The following UNC13C variants were observed in gnomAD, a reference collection of about 807,000 sequenced individuals.
UNC13C encodes protein unc-13 homolog C.
Under a neutral mutation model 245.4 loss-of-function variants are expected in UNC13C, and 174 were observed. The observed-to-expected ratio is 0.71, with a 90% confidence interval of 0.63 to 0.80. The LOEUF (loss-of-function observed/expected upper bound fraction) is 0.80, where lower values mean the gene tolerates loss of function less well. Among genes scored for constraint, UNC13C ranks in the 30% least tolerant of loss-of-function variants. The pLI, the probability that UNC13C is intolerant of heterozygous loss-of-function variation, is 0.00. For synonymous variants in UNC13C, 992 were observed against 895.1 expected (o/e 1.11, Z -1.93); for missense variants, 2,829 against 2,602.9 (o/e 1.09, Z -1.89).
chr15:54,301,030 G>T (rs944825680), intron 13 of UNC13C, among the ~76,000 whole-genome samples: 3 of 151,910 alleles, frequency 2.0e-5, no homozygotes, highest in Admixed American at 6.6e-5. Context: ...TTTCAGTAAG[G>T]GTTTAGTAAT....
intron 17 of UNC13C, among the ~76,000 whole-genome samples, chr15:54,367,910 C>T (rs1420828643): frequency 6.6e-6 from 1 of 152,134 alleles, no homozygotes; most frequent in Admixed American, 6.6e-5. Context: ...TTATTTTAAA[C>T]TTAAATAGTC....
At position 54,448,011 on chromosome 15, in the gene UNC13C, C is replaced by T. The variant is rs564934602; in HGVS notation, c.4933+32944C>T. 6.6e-5 allele frequency among the ~76,000 whole-genome samples: 10 copies of T among 152,302 alleles called. No homozygotes were observed. In the South Asian group the frequency reaches 2.1e-3, roughly 32 times the overall value. On this transcript the variant is annotated intron_variant, in intron 19 of 32. Transcript: ENST00000260323. The stretch of plus-strand genomic sequence containing the variant: ...TTGGTTTCAAAGAACATCTTTATTT[C>T]TGCCTTCATTTCGTTATGTACCCAG...
At chr15:54,201,445 A>C (rs950270779) in intron 4 of UNC13C, among the ~76,000 whole-genome samples, 3 of 152,062 alleles carry the variant, frequency 2.0e-5, no homozygotes, top group Non-Finnish European at 2.9e-5. Flanking sequence ...ATCTAACAGC[A>C]TATCAAAAAG....
chr15:53,927,257 T>C, the UNC13C span, among the ~76,000 whole-genome samples: 1 of 152,168 alleles, frequency 6.6e-6, no homozygotes, highest in Non-Finnish European at 1.5e-5. Context: ...TTTAACCACT[T>C]CACTCTGCTG....
chr15:53,964,605 G>A, the UNC13C span, among the ~76,000 whole-genome samples: 1 of 152,148 alleles, frequency 6.6e-6, no homozygotes, highest in Admixed American at 6.6e-5. Flanking sequence ...CTAAAGAGAT[G>A]TTCAGGTATT....
intron 13 of UNC13C, chr15:54,321,332 A>C: frequency 2.1e-6 from 1 of 471,176 alleles, no homozygotes; most frequent in Non-Finnish European, 4.2e-6. Flanking sequence ...GATGTCCTTC[A>C]ATGTCTTCTT....
rs373765896 is a variant in UNC13C at position 54,054,886 on chromosome 15, A to G, written c.2983+39000A>G. On this transcript the variant is annotated intron_variant, in intron 2 of 32. Transcript: ENST00000260323. ...AATGGAGTCGACTTTGATGCAGTCA[A>G]TTTTAATTTTTGCTTAGTGCTCATG... Among the ~76,000 whole-genome samples, 19 of 152,234 alleles carry G rather than the reference A, an allele frequency of 1.2e-4. No individual in the cohort carries two copies. In the South Asian group the frequency reaches 3.1e-3, roughly 25 times the overall value.
At chr15:54,536,935 C>G (rs767749225) in intron 26 of UNC13C, among the ~76,000 whole-genome samples, 23 of 152,132 alleles carry the variant, frequency 1.5e-4, no homozygotes, top group Admixed American at 3.3e-4. Flanking sequence ...CAAGGATGCT[C>G]ACTCTCACTA....
chr15:54,101,037 T>C (rs1208105780), intron 2 of UNC13C, among the ~76,000 whole-genome samples: 3 of 152,192 alleles, frequency 2.0e-5, no homozygotes, highest in Admixed American at 2.0e-4. Flanking sequence ...TTTTTAATAA[T>C]TTTTATTTCT....
intron 4 of UNC13C, among the ~76,000 whole-genome samples, chr15:54,170,057 AAG>A (rs2033336213): frequency 6.6e-6 from 1 of 151,526 alleles, no homozygotes; most frequent in African/African-American, 2.4e-5. Context: ...ATATAAGAGA[AAG>A]AGAAATTTCA....
intron 24 of UNC13C, among the ~76,000 whole-genome samples, chr15:54,517,774 T>G (rs1048985820): frequency 6.6e-6 from 1 of 152,074 alleles, no homozygotes. Flanking sequence ...AACTTAGAAG[T>G]TTTTAGGGGA....
chr15:54,522,864 A>C (rs891646681), intron 24 of UNC13C, among the ~76,000 whole-genome samples: 9 of 152,180 alleles, frequency 5.9e-5, no homozygotes, highest in African/African-American at 9.7e-5. Context: ...TTTAGAATAC[A>C]CTGTGACTTA....
At position 54,218,026 on chromosome 15, in the gene UNC13C, T is replaced by G. The variant is rs1428912245; in HGVS notation, c.3072-17004T>G. Among the ~76,000 whole-genome samples, 5 of 151,970 alleles carry G rather than the reference T, an allele frequency of 3.3e-5. No homozygotes were observed. The East Asian group carries it at 7.7e-4, about 23-fold the overall frequency. Reference sequence around the variant, plus strand: ...CATGCCAGAACTAGTTCTAGGAAAGTAGAGATGAGTAATATCATTTTATTG... The same window carrying G: ...CATGCCAGAACTAGTTCTAGGAAAGGAGAGATGAGTAATATCATTTTATTG... On this transcript the variant is annotated intron_variant, in intron 4 of 32. Transcript: ENST00000260323.
chr15:54,543,483 C>A (rs1305587560), intron 26 of UNC13C, among the ~76,000 whole-genome samples: 2 of 151,490 alleles, frequency 1.3e-5, no homozygotes, highest in Admixed American at 6.6e-5. Context: ...AAAAACCCTT[C>A]AAAAAATCAG....
intron 19 of UNC13C, among the ~76,000 whole-genome samples, chr15:54,464,255 C>A (rs1272990758): frequency 6.6e-6 from 1 of 152,080 alleles, no homozygotes; most frequent in Non-Finnish European, 1.5e-5. Flanking sequence ...CCTATATGAT[C>A]ATTTTTATTA....
intron 18 of UNC13C, among the ~76,000 whole-genome samples, chr15:54,410,199 C>G (rs1210308840): frequency 2.0e-5 from 3 of 152,076 alleles, no homozygotes; most frequent in Non-Finnish European, 4.4e-5. Context: ...TGTTCATGTT[C>G]TTTGTTCATT....
the UNC13C span, among the ~76,000 whole-genome samples, chr15:53,935,722 A>G: frequency 6.6e-6 from 1 of 152,280 alleles, no homozygotes. Context: ...TGGAGCCAGA[A>G]GAGCCCCCAC....
Position 54,507,196 on chromosome 15 carries a change from T to G in UNC13C, c.5379+2T>G. 1 of 1,574,490 alleles carries G rather than the reference T, an allele frequency of 6.4e-7. No homozygotes were observed. The highest frequency in any genetic ancestry group is 8.7e-7 in the Non-Finnish European group (1 of 1,155,746). On this transcript the variant is annotated splice_donor_variant, in intron 23 of 32. Coordinates refer to ENST00000260323, the MANE Select transcript of UNC13C (RefSeq NM_001080534.3). LOFTEE classifies it high-confidence loss of function. Reference sequence around the variant, plus strand: ...TCACATTGTGATAAGGAAAATGTGGTAAGTAAAAAATGTCTCTACTTTCAA... The same window carrying G: ...TCACATTGTGATAAGGAAAATGTGGGAAGTAAAAAATGTCTCTACTTTCAA...
At chr15:54,303,715 G>A (rs554238388) in intron 13 of UNC13C, among the ~76,000 whole-genome samples, 4 of 151,128 alleles carry the variant, frequency 2.6e-5, no homozygotes, top group East Asian at 3.9e-4. Flanking sequence ...AGTTCCTGAC[G>A]ACATGTGCCC....
Sources: gnomAD v4.1 joint callset for allele counts (sites outside exome capture counted in the v4.1 genomes callset) on GRCh38, gnomAD v4.1.1 for gene constraint, MANE v1.5 for transcripts, NCBI Gene and HGNC (gene_info 2026-07-23, HGNC 2026-07-21) for gene names.